AZIN2: variants seen among roughly 807,000 people sequenced by gnomAD.
AZIN2 encodes the protein antizyme inhibitor 2.
In AZIN2, 28 loss-of-function variants were observed where a neutral mutation model predicts 47.8. That is an observed-to-expected ratio of 0.59 (90% CI 0.43 to 0.80). The LOEUF is 0.80. Ranked by LOEUF, AZIN2 falls within the 30% of genes least tolerant of loss-of-function variation. AZIN2 has a pLI of 0.00. For synonymous variants in AZIN2, 221 were observed against 239.4 expected (o/e 0.92, Z 0.71); for missense variants, 535 against 582.5 (o/e 0.92, Z 0.84).
intron 10 of AZIN2, among the ~76,000 whole-genome samples, chr1:33,108,050 A>C (rs1644101058): frequency 6.6e-6 from 1 of 152,258 alleles, no homozygotes. Flanking sequence ...AGCTGGAGGC[A>C]TCACATTATC....
intron 10 of AZIN2, among the ~76,000 whole-genome samples, chr1:33,110,961 C>A (rs1370869686): frequency 1.3e-5 from 2 of 152,208 alleles, no homozygotes; most frequent in African/African-American, 4.8e-5. Flanking sequence ...GCTCCTCCCT[C>A]CAAGGCTGAT....
At chr1:33,147,047 C>T in the AZIN2 span, 4 of 927,158 alleles carry the variant, frequency 4.3e-6, no homozygotes, top group African/African-American at 6.7e-5. This position sits in a 1 kb window ranked among gnomAD's most constrained non-coding sequence, Gnocchi z 8.1. Context: ...AGACTGGAGG[C>T]TGGAGGGTAA....
downstream of AZIN2, among the ~76,000 whole-genome samples, chr1:33,128,317 C>T (rs1644871278): frequency 6.6e-6 from 1 of 152,026 alleles, no homozygotes; most frequent in African/African-American, 2.4e-5. Context: ...GTCGAGGCTT[C>T]AGTGAGCCGT....
At chr1:33,139,760 G>A in the AZIN2 span, among the ~76,000 whole-genome samples, 462 of 152,300 alleles carry the variant, frequency 3.0e-3, no homozygotes, top group Non-Finnish European at 5.0e-3. Flanking sequence ...CTGGTGGGGA[G>A]GGCTGAGTGC....
chr1:33,097,376 G>C (rs1643267601), intron 9 of AZIN2, among the ~76,000 whole-genome samples: 1 of 152,134 alleles, frequency 6.6e-6, no homozygotes. Context: ...GGCTGATAAG[G>C]GGCAGTGTGG....
At chr1:33,097,121 G>GT (rs778332021) in intron 9 of AZIN2, among the ~76,000 whole-genome samples, 3 of 152,164 alleles carry the variant, frequency 2.0e-5, no homozygotes, top group Non-Finnish European at 4.4e-5. Context: ...TAGATACTCT[G>GT]TTGACCCCAT....
the AZIN2 span, among the ~76,000 whole-genome samples, chr1:33,145,173 G>A: frequency 1.3e-5 from 2 of 152,176 alleles, no homozygotes; most frequent in African/African-American, 4.8e-5. Flanking sequence ...TTCCCTGGCT[G>A]GTAAGTTTTT....
chr1:33,158,306 G>C, the AZIN2 span: 1 of 1,614,028 alleles, frequency 6.2e-7, no homozygotes, highest in African/African-American at 1.3e-5. Flanking sequence ...CAGGGGGCCT[G>C]TGTACTTGGA....
At chr1:33,159,722 T>A in the AZIN2 span, 12 of 1,611,162 alleles carry the variant, frequency 7.4e-6, no homozygotes, top group South Asian at 9.9e-5. This position sits in a 1 kb window ranked among gnomAD's most constrained non-coding sequence, Gnocchi z 4.2. Context: ...GCCAGGAAGG[T>A]GTGCCGGTCG....
chr1:33,147,073 T>A, the AZIN2 span: 16 of 1,287,392 alleles, frequency 1.2e-5, no homozygotes, highest in Non-Finnish European at 1.6e-5. This position sits in a 1 kb window ranked among gnomAD's most constrained non-coding sequence, Gnocchi z 8.1. Context: ...TGGCCTGAGG[T>A]CTCCAGTGGC....
Position 33,090,377 on chromosome 1 carries a change from T to C in AZIN2, c.280-1673T>C, listed in dbSNP as rs574889152. 2.0e-5 allele frequency among the ~76,000 whole-genome samples: 3 copies of C among 152,342 alleles called. No individual in the cohort carries two copies. The South Asian group carries it at 6.2e-4, about 32-fold the overall frequency. ...CATCATCATTTGTTCATATCATTAA[T>C]GCAGCAATCAGGTGCCCACAGGTTC... On this transcript the variant is annotated intron_variant, in intron 5 of 11. Transcript: ENST00000294517.
intron 8 of AZIN2, among the ~76,000 whole-genome samples, chr1:33,095,178 C>A (rs1643011837): frequency 6.6e-6 from 1 of 152,226 alleles, no homozygotes; most frequent in Admixed American, 6.5e-5. Context: ...GCAGTTCCCA[C>A]TCCAACCACT....
downstream of AZIN2, among the ~76,000 whole-genome samples, chr1:33,127,828 G>A (rs182301175): frequency 5.9e-5 from 9 of 152,212 alleles, no homozygotes; most frequent in East Asian, 1.7e-3. Flanking sequence ...ATAATCAAGC[G>A]TGCCTACTGC....
chr1:33,116,976 AG>A (rs1311579459), intron 10 of AZIN2, among the ~76,000 whole-genome samples: 1 of 152,214 alleles, frequency 6.6e-6, no homozygotes. Flanking sequence ...TGGTGACTCT[AG>A]GATCTGCCTG....
At chr1:33,109,948 T>C (rs188974656) in intron 10 of AZIN2, among the ~76,000 whole-genome samples, 2 of 152,192 alleles carry the variant, frequency 1.3e-5, no homozygotes. Flanking sequence ...TGCTGAATCA[T>C]GGTAGCATTG....
rs758925873 is a variant in AZIN2 at position 33,118,107 on chromosome 1, G to T, written c.1235G>T (p.Arg412Leu). The T allele has an allele frequency of 1.3e-6, 2 of 1,508,546 alleles. No homozygotes were observed. The highest frequency in any genetic ancestry group is 8.8e-7 in the Non-Finnish European group (1 of 1,131,338). 93.4% of individuals were successfully genotyped at this position (1,508,546 alleles called of 1,614,324 possible). A position where few individuals can be genotyped will look rare whatever the true frequency, so the allele number is the denominator to read the frequency against. The change falls in exon 11 of 12, where the codon CGG becomes CTG. Residue 412 changes from arginine to leucine, a missense_variant. Arg to Leu is a moderately radical substitution (Grantham distance 102). Around this residue, in one of 3 missense-constraint regions of AZIN2, gnomAD observed 122 missense variants for 135.8 expected, o/e 0.90. Transcript: ENST00000294517. ...QACHITYAMSRVAWEALRRQL... is the reference protein window; with the variant it reads ...QACHITYAMSLVAWEALRRQL... ...TGCCACATCACCTATGCCATGTCCC[G>T]GGTGGCCTGGTAAGAGGGCCCTGCT...
At chr1:33,109,685 T>A (rs1251972422) in intron 10 of AZIN2, among the ~76,000 whole-genome samples, 1 of 152,150 alleles carries the variant, frequency 6.6e-6, no homozygotes, top group Non-Finnish European at 1.5e-5. Flanking sequence ...AGTTTATCAA[T>A]TATTTCTTTT....
the AZIN2 span, chr1:33,158,140 C>A: frequency 1.1e-6 from 1 of 919,612 alleles, no homozygotes; most frequent in Non-Finnish European, 1.7e-6. Context: ...AGGTGCTCAG[C>A]AAGGCACTCT....
At chr1:33,111,765 C>G (rs1291145501) in intron 10 of AZIN2, among the ~76,000 whole-genome samples, 1 of 152,032 alleles carries the variant, frequency 6.6e-6, no homozygotes, top group Non-Finnish European at 1.5e-5. Flanking sequence ...CCGTGCCTGG[C>G]TAATTTTTGT....
Sources: gnomAD v4.1 joint callset for allele counts (sites outside exome capture counted in the v4.1 genomes callset) on GRCh38, gnomAD v4.1.1 for gene constraint, gnomAD v4.1.1 regional missense constraint, Gnocchi (gnomAD v3.1) non-coding constraint, MANE v1.5 for transcripts, NCBI Gene and HGNC (gene_info 2026-07-23, HGNC 2026-07-21) for gene names.